The following PTP4A1 variants were observed in gnomAD, a reference collection of about 807,000 sequenced individuals.
PTP4A1 encodes protein tyrosine phosphatase type IVA 1.
Under a neutral mutation model 20.5 loss-of-function variants are expected in PTP4A1, and 9 were observed. The ratio of observed to expected loss-of-function variants is 0.44; its 90% CI spans 0.26 to 0.77. The LOEUF is 0.77. PTP4A1 is among the 30% of genes least tolerant of loss of function. The probability of loss-of-function intolerance (pLI) is 0.19; values close to 1 mark genes in which losing one functional copy is unlikely to be tolerated. For missense variants in PTP4A1, 137 were observed against 218.8 expected (o/e 0.63, Z 2.36); for synonymous variants, 78 against 67.4 (o/e 1.16, Z -0.77).
upstream of PTP4A1, among the ~76,000 whole-genome samples, chr6:63,517,985 T>C (rs1473085502): frequency 6.6e-6 from 1 of 151,988 alleles, no homozygotes; most frequent in Non-Finnish European, 1.5e-5. Flanking sequence ...AAACCCCATC[T>C]CTACTAAAAA....
chr6:63,546,230 T>C (rs545595201), intron 2 of PTP4A1, among the ~76,000 whole-genome samples: 1 of 152,324 alleles, frequency 6.6e-6, no homozygotes, highest in East Asian at 1.9e-4. Flanking sequence ...TACTGTCCTT[T>C]GCTATGACAT....
At chr6:63,556,678 G>A (rs937505181) in intron 3 of PTP4A1, among the ~76,000 whole-genome samples, 4 of 152,176 alleles carry the variant, frequency 2.6e-5, no homozygotes, top group African/African-American at 9.7e-5. Context: ...GGGTGAATCT[G>A]TACTACATCA....
intron 3 of PTP4A1, among the ~76,000 whole-genome samples, chr6:63,555,129 T>C (rs1156801809): frequency 6.6e-6 from 1 of 152,160 alleles, no homozygotes; most frequent in African/African-American, 2.4e-5. Flanking sequence ...TCATTTCTGG[T>C]AATATAAGAA....
chr6:63,561,336 C>A (rs1388182156), intron 3 of PTP4A1, among the ~76,000 whole-genome samples: 19 of 152,152 alleles, frequency 1.2e-4, no homozygotes, highest in Non-Finnish European at 1.5e-5. Flanking sequence ...TAATACCCAA[C>A]ACATAGTAAG....
intron 2 of PTP4A1, among the ~76,000 whole-genome samples, chr6:63,548,270 G>T (rs1349841301): frequency 6.6e-6 from 1 of 152,132 alleles, no homozygotes; most frequent in East Asian, 1.9e-4. Context: ...ATTATTTGTT[G>T]TGTGACATAA....
chr6:63,551,540 AT>A (rs930439317), intron 3 of PTP4A1, among the ~76,000 whole-genome samples: 32 of 151,940 alleles, frequency 2.1e-4, no homozygotes, highest in African/African-American at 5.5e-4. Context: ...TATTAAGTTC[AT>A]TTTTTTTAAT....
rs1062183 is a variant in PTP4A1 at position 63,581,822 on chromosome 6, T to C, written c.*1648T>C. ...TTGCAAATTAATAATTACATACCTT[T>C]ATAGATTTTGAAATTAATTTAAATA... On this transcript the variant is annotated 3_prime_UTR_variant, in exon 6 of 6. Coordinates refer to ENST00000626021, the MANE Select transcript of PTP4A1 (RefSeq NM_003463.5). 1 of 152,184 alleles carries C rather than the reference T, an allele frequency of 6.6e-6. No individual in the cohort carries two copies. Among genetic ancestry groups the C allele is most frequent in the South Asian group, 2.1e-4 (1 of 4,838 alleles). The allele number at this position is 152,184 out of a possible 1,614,324, so 9.4% of individuals were successfully genotyped here.
chr6:63,525,392 G>T (rs573146448), intron 1 of PTP4A1, among the ~76,000 whole-genome samples: 1 of 152,156 alleles, frequency 6.6e-6, no homozygotes, highest in African/African-American at 2.4e-5. Context: ...GAGGAAGGAG[G>T]TGGAACACAC....
At chr6:63,528,674 T>C (rs1040631933) in intron 2 of PTP4A1, among the ~76,000 whole-genome samples, 3 of 152,004 alleles carry the variant, frequency 2.0e-5, no homozygotes, top group Non-Finnish European at 4.4e-5. Flanking sequence ...AGTGGGAGGA[T>C]TACCTGAGCA....
rs761409438 is a variant in PTP4A1 at position 63,581,585 on chromosome 6, CTT to C, written c.*1414_*1415del. ...TAAATGATGTCAGCATTTTAGTAAA[CTT>C]TTAGACAAAATTTGTTAGGGTCATT... On this transcript the variant is annotated 3_prime_UTR_variant, in exon 6 of 6. Transcript: ENST00000626021. The C allele has an allele frequency of 6.6e-6, 1 of 152,098 alleles. No individual in the cohort carries two copies. Among genetic ancestry groups the C allele is most frequent in the Non-Finnish European group, 1.5e-5 (1 of 67,986 alleles). 9.4% of individuals were successfully genotyped at this position (152,098 alleles called of 1,614,324 possible).
intron 1 of PTP4A1, among the ~76,000 whole-genome samples, chr6:63,574,809 A>G (rs1396221269): frequency 2.0e-5 from 3 of 152,184 alleles, no homozygotes; most frequent in Non-Finnish European, 4.4e-5. Context: ...TTGTATTTAG[A>G]ATTTGGGGTG....
chr6:63,560,010 C>T (rs914752913), intron 3 of PTP4A1, among the ~76,000 whole-genome samples: 2 of 152,130 alleles, frequency 1.3e-5, no homozygotes, highest in Non-Finnish European at 2.9e-5. Flanking sequence ...GGAATGGCCT[C>T]ATTCATGAAA....
At chr6:63,549,844 T>A (rs1776359028) in intron 2 of PTP4A1, among the ~76,000 whole-genome samples, 1 of 152,160 alleles carries the variant, frequency 6.6e-6, no homozygotes, top group Non-Finnish European at 1.5e-5. Context: ...GAGAGATTTG[T>A]TAAAGAATAC....
At chr6:63,548,146 A>C (rs1202515324) in intron 2 of PTP4A1, among the ~76,000 whole-genome samples, 1 of 152,210 alleles carries the variant, frequency 6.6e-6, no homozygotes, top group Non-Finnish European at 1.5e-5. Context: ...GGTCTCAGTT[A>C]GATGACCCTC....
rs984073142 is a variant in PTP4A1 at position 63,576,419 on chromosome 6, CTT to C, written c.-445-13_-445-12del. 3 of 399,106 alleles carry C rather than the reference CTT, an allele frequency of 7.5e-6. No homozygotes were observed. Among genetic ancestry groups the C allele is most frequent in the African/African-American group, 6.2e-5 (3 of 48,576 alleles). The allele number at this position is 399,106 out of a possible 1,614,324, so 24.7% of individuals were successfully genotyped here. ...AAAATAACTTATTCTCTCTTTCTGTCTTTTTCTTTTAAACAGCAATTCTGTGG... is the reference window on the plus strand; with the variant it reads ...AAAATAACTTATTCTCTCTTTCTGTCTTTCTTTTAAACAGCAATTCTGTGG... On this transcript the variant is annotated splice_polypyrimidine_tract_variant and intron_variant, in intron 1 of 5. Transcript: ENST00000626021.
chr6:63,572,324 T>G (rs1777483617), upstream of PTP4A1: 4 of 232,766 alleles, frequency 1.7e-5, no homozygotes, highest in Non-Finnish European at 1.7e-5. Flanking sequence ...CATCAACCGG[T>G]TCACACCGGC....
intron 3 of PTP4A1, among the ~76,000 whole-genome samples, chr6:63,562,209 T>A (rs1306615473): frequency 2.0e-5 from 3 of 151,472 alleles, no homozygotes; most frequent in Non-Finnish European, 4.4e-5. Flanking sequence ...TTCTTTTTTT[T>A]TTTTTTTGAG....
intron 2 of PTP4A1, among the ~76,000 whole-genome samples, chr6:63,537,691 A>G (rs1036664089): frequency 3.9e-5 from 6 of 152,264 alleles, no homozygotes; most frequent in Non-Finnish European, 8.8e-5. Flanking sequence ...GTCAAGGTTG[A>G]TTAATTCCAC....
intron 3 of PTP4A1, among the ~76,000 whole-genome samples, chr6:63,557,217 G>A (rs967567855): frequency 2.6e-5 from 4 of 152,166 alleles, no homozygotes; most frequent in African/African-American, 9.7e-5. Flanking sequence ...TACAATGGAA[G>A]TACAGGGAAT....
Sources: allele counts gnomAD v4.1 joint callset (sites outside exome capture counted in the v4.1 genomes callset), GRCh38; gene constraint gnomAD v4.1.1; transcripts MANE v1.5; gene names NCBI Gene and HGNC (gene_info 2026-07-23, HGNC 2026-07-21).